The following EXOC1 variants were observed in gnomAD, a reference collection of about 807,000 sequenced individuals.
The protein encoded by EXOC1 is exocyst complex component 1.
EXOC1 carries 67 observed loss-of-function variants against 107.7 expected under a neutral mutation model. That is an observed-to-expected ratio of 0.62 (90% CI 0.51 to 0.76). The LOEUF is 0.76. EXOC1 is among the 30% of genes least tolerant of loss of function. The pLI, the probability that EXOC1 is intolerant of heterozygous loss-of-function variation, is 0.00. For missense variants in EXOC1, 833 were observed against 1,055.7 expected, an observed-to-expected ratio of 0.79 and a Z score of 2.92; for synonymous variants, 348 against 353.5, an observed-to-expected ratio of 0.98 and a Z score of 0.17.
Position 55,853,828 on chromosome 4 carries a change from C to T in EXOC1, c.-136C>T, listed in dbSNP as rs1313084043. On this transcript the variant is annotated 5_prime_UTR_variant, in exon 1 of 19. Transcript: ENST00000381295. ...CCTTCGGCCGCGGCTGCCCGGTAGT[C>T]CCGGCGGCGGCGGACAGACGAGCTG... 1 of 152,362 alleles carries T rather than the reference C, an allele frequency of 6.6e-6. No individual in the cohort carries two copies. The highest frequency in any genetic ancestry group is 2.1e-4 in the South Asian group (1 of 4,832). 9.4% of individuals were successfully genotyped at this position (152,362 alleles called of 1,614,324 possible).
chr4:55,873,218 T>G (rs1034031161), intron 8 of EXOC1, among the ~76,000 whole-genome samples: 1 of 151,912 alleles, frequency 6.6e-6, no homozygotes, highest in Non-Finnish European at 1.5e-5. Flanking sequence ...ACAAATAATA[T>G]ACTCAAGAGG....
At chr4:55,861,322 G>A (rs76284459) in intron 3 of EXOC1, among the ~76,000 whole-genome samples, 9,597 of 152,162 alleles carry the variant, frequency 0.063, 375 homozygotes, top group Non-Finnish European at 0.077. Flanking sequence ...GAACATAATA[G>A]CAAGGCTTAT....
intron 1 of EXOC1, among the ~76,000 whole-genome samples, chr4:55,854,553 C>T (rs948096661): frequency 3.9e-5 from 6 of 152,188 alleles, no homozygotes; most frequent in Admixed American, 3.3e-4. Flanking sequence ...TAGAAACACC[C>T]GGCTTCAGGT....
At chr4:55,861,635 C>G (rs919943671) in intron 3 of EXOC1, among the ~76,000 whole-genome samples, 3 of 152,204 alleles carry the variant, frequency 2.0e-5, no homozygotes, top group Admixed American at 2.0e-4. Flanking sequence ...GTATTCTAGG[C>G]TTACTGGCCC....
intron 9 of EXOC1, 91 bp downstream of exon 9, chr4:55,878,157 C>A (rs1464668988): frequency 2.1e-6 from 3 of 1,396,484 alleles, no homozygotes; most frequent in Non-Finnish European, 2.9e-6. Context: ...GTTTAAAATA[C>A]TGTAGTACAT....
chr4:55,884,058 G>A (rs555803441), intron 10 of EXOC1, 130 bp downstream of exon 10: 16 of 647,316 alleles, frequency 2.5e-5, no homozygotes, highest in African/African-American at 1.2e-4. Context: ...GGTCTAAAAC[G>A]TTGGCTTGAT....
intron 12 of EXOC1, 144 bp downstream of exon 12, chr4:55,890,530 G>GTAA: frequency 8.3e-6 from 3 of 361,214 alleles, no homozygotes; most frequent in Non-Finnish European, 1.4e-5. Context: ...ATCGAATCTG[G>GTAA]GAAAAAAAAA....
chr4:55,885,223 C>T (rs1035108493), intron 10 of EXOC1, among the ~76,000 whole-genome samples: 3 of 151,862 alleles, frequency 2.0e-5, no homozygotes, highest in African/African-American at 7.3e-5. Context: ...TGAGAGAACT[C>T]CTTCAGTATA....
chr4:55,872,327 A>T (rs965721254), intron 8 of EXOC1, among the ~76,000 whole-genome samples: 1 of 152,104 alleles, frequency 6.6e-6, no homozygotes, highest in Non-Finnish European at 1.5e-5. Flanking sequence ...TCAGGACTTG[A>T]TTCAGTGTTT....
rs531868966 is a variant in EXOC1 at position 55,899,542 on chromosome 4, C to T, written c.2138-143C>T. The T allele has an allele frequency of 2.9e-5, 19 of 654,164 alleles. No homozygotes were observed. In the African/African-American group the frequency reaches 3.1e-4, roughly 11 times the overall value. 40.5% of individuals were successfully genotyped at this position (654,164 alleles called of 1,614,324 possible). On this transcript the variant is annotated intron_variant, in intron 16 of 18. Coordinates refer to ENST00000381295, the MANE Select transcript of EXOC1 (RefSeq NM_001024924.2). ...TTATGATTAGGTAGATCTGAAGACT[C>T]CCATTACAATATATTGTATTAAGTC...
chr4:55,882,934 G>C (rs1166748355), intron 9 of EXOC1: 1 of 151,996 alleles, frequency 6.6e-6, no homozygotes, highest in African/African-American at 2.4e-5. Context: ...AATTCTGTTT[G>C]TGGCATTTAA....
chr4:55,901,694 C>T (rs1015988579), intron 17 of EXOC1, among the ~76,000 whole-genome samples: 2 of 152,030 alleles, frequency 1.3e-5, no homozygotes, highest in African/African-American at 4.8e-5. Context: ...ACTCTGGCAA[C>T]TATTGTTATA....
At chr4:55,866,164 T>A (rs1048964881) in intron 4 of EXOC1, among the ~76,000 whole-genome samples, 9 of 152,142 alleles carry the variant, frequency 5.9e-5, no homozygotes, top group African/African-American at 2.2e-4. Context: ...AATAATTAAG[T>A]AAGACTATTT....
chr4:55,883,405 C>T (rs1239938682), intron 9 of EXOC1: 2 of 152,470 alleles, frequency 1.3e-5, no homozygotes, highest in Non-Finnish European at 2.9e-5. Context: ...CATAGCAAAA[C>T]ATGGAAACCA....
intron 10 of EXOC1, among the ~76,000 whole-genome samples, chr4:55,884,920 A>C (rs555369671): frequency 1.3e-5 from 2 of 152,306 alleles, no homozygotes; most frequent in Non-Finnish European, 2.9e-5. Flanking sequence ...ACACTAATAT[A>C]TTGATTATAC....
intron 18 of EXOC1, among the ~76,000 whole-genome samples, chr4:55,903,258 T>C (rs2109525814): frequency 6.6e-6 from 1 of 151,990 alleles, no homozygotes; most frequent in East Asian, 1.9e-4. Flanking sequence ...TAATGGGTAG[T>C]GGAGCCAGAT....
At chr4:55,861,545 A>G (rs1259274381) in intron 3 of EXOC1, among the ~76,000 whole-genome samples, 1 of 152,232 alleles carries the variant, frequency 6.6e-6, no homozygotes, top group African/African-American at 2.4e-5. Context: ...AAAAAAATGA[A>G]GTAAGAACAA....
intron 17 of EXOC1, among the ~76,000 whole-genome samples, chr4:55,901,035 T>C (rs1725837655): frequency 6.6e-6 from 1 of 152,236 alleles, no homozygotes; most frequent in South Asian, 2.1e-4. Flanking sequence ...GCCTAAAGCT[T>C]ACATGATACT....
chr4:55,865,249 A>G (rs549526824), intron 4 of EXOC1, among the ~76,000 whole-genome samples: 1 of 152,216 alleles, frequency 6.6e-6, no homozygotes, highest in Non-Finnish European at 1.5e-5. Flanking sequence ...GTTACAAGAC[A>G]AAAACTCTAC....
Sources: allele counts gnomAD v4.1 joint callset (sites outside exome capture counted in the v4.1 genomes callset), GRCh38; gene constraint gnomAD v4.1.1; transcripts MANE v1.5; gene names NCBI Gene and HGNC (gene_info 2026-07-23, HGNC 2026-07-21).